The following AKT3 variants were observed in gnomAD, a reference collection of about 807,000 sequenced individuals.
AKT3 encodes the protein RAC-gamma serine/threonine-protein kinase.
Under a neutral mutation model 65.3 loss-of-function variants are expected in AKT3, and 15 were observed. The ratio of observed to expected loss-of-function variants is 0.23; its 90% CI spans 0.15 to 0.35. AKT3 has a LOEUF of 0.35. Ranked by LOEUF, AKT3 falls within the 10% of genes least tolerant of loss-of-function variation. The probability of loss-of-function intolerance (pLI) is 1.00; values close to 1 mark genes in which losing one functional copy is unlikely to be tolerated. For missense variants in AKT3, 243 were observed against 576.5 expected (o/e 0.42, Z 5.92); for synonymous variants, 206 against 183.8 (o/e 1.12, Z -0.98).
intron 12 of AKT3, among the ~76,000 whole-genome samples, chr1:243,513,571 G>A (rs998672952): frequency 5.9e-5 from 9 of 152,238 alleles, no homozygotes; most frequent in African/African-American, 1.2e-4. Flanking sequence ...TTTAAGAATC[G>A]TGGGATGAGC....
intron 2 of AKT3, among the ~76,000 whole-genome samples, chr1:243,765,672 G>A (rs1689776469): frequency 6.6e-6 from 1 of 152,138 alleles, no homozygotes; most frequent in Non-Finnish European, 1.5e-5. Context: ...CTTCAGTAAA[G>A]TCACAGAAAA....
intron 6 of AKT3, among the ~76,000 whole-genome samples, chr1:243,624,020 C>A (rs1476120901): frequency 6.6e-6 from 1 of 152,170 alleles, no homozygotes; most frequent in African/African-American, 2.4e-5. Context: ...TAAACAATAA[C>A]CATGAGTCTT....
rs781717663 is a variant in AKT3, at chr1:243,637,689, T to C, written c.483A>G (p.Lys161=). The stretch of plus-strand genomic sequence containing the variant: ...TTGCCTTCTCTCGAACCAAAATAAC[T>C]TTCCCAAAAGTGCCTTTACCTAGTA... ...LKLLGKGTFG[K]VILVREKASG... The change falls in exon 6 of 14, where the codon AAA becomes AAG. Residue 161 remains lysine, a synonymous_variant. Coordinates refer to ENST00000673466, the MANE Select transcript of AKT3 (RefSeq NM_005465.7). 4 of 1,602,154 alleles carry C rather than the reference T, an allele frequency of 2.5e-6. No homozygotes were observed. In the South Asian group the frequency reaches 3.3e-5, roughly 13 times the overall value.
At chr1:243,832,321 AAACTG>A (rs1161428815) in intron 2 of AKT3, among the ~76,000 whole-genome samples, 1 of 152,054 alleles carries the variant, frequency 6.6e-6, no homozygotes, top group Non-Finnish European at 1.5e-5. Flanking sequence ...AAATTTTTAT[AAACTG>A]TACTCCTACT....
chr1:243,655,963 CT>C (rs1387587292), intron 4 of AKT3, among the ~76,000 whole-genome samples: 1 of 152,142 alleles, frequency 6.6e-6, no homozygotes, highest in Non-Finnish European at 1.5e-5. Context: ...TCTCTGGTGT[CT>C]TTTTAAAAAA....
intron 12 of AKT3, among the ~76,000 whole-genome samples, chr1:243,513,530 C>A (rs1032178975): frequency 3.3e-5 from 5 of 152,194 alleles, no homozygotes; most frequent in Non-Finnish European, 7.3e-5. Flanking sequence ...TAAGGAAAAT[C>A]TTTAAATTAT....
intron 2 of AKT3, among the ~76,000 whole-genome samples, chr1:243,714,206 T>G (rs1686349878): frequency 6.6e-6 from 1 of 152,206 alleles, no homozygotes; most frequent in South Asian, 2.1e-4. Context: ...TCTACCATAT[T>G]CATAAAATGG....
intron 2 of AKT3, among the ~76,000 whole-genome samples, chr1:243,784,917 C>G (rs901615802): frequency 6.6e-6 from 1 of 151,976 alleles, no homozygotes; most frequent in Non-Finnish European, 1.5e-5. Flanking sequence ...TGCACCACCA[C>G]GCCTAGCTAT....
intron 10 of AKT3, among the ~76,000 whole-genome samples, chr1:243,553,701 T>C (rs1673225857): frequency 6.6e-6 from 1 of 152,140 alleles, no homozygotes; most frequent in African/African-American, 2.4e-5. Flanking sequence ...ATAAATTTAG[T>C]TAGAAATGAT....
intron 12 of AKT3, among the ~76,000 whole-genome samples, chr1:243,539,257 G>A (rs747345079): frequency 6.6e-6 from 1 of 151,998 alleles, no homozygotes; most frequent in African/African-American, 2.4e-5. Context: ...TGAAGACAAC[G>A]AGGAGGAAGA....
intron 8 of AKT3, among the ~76,000 whole-genome samples, chr1:243,611,984 T>C (rs758783415): frequency 3.6e-4 from 55 of 152,222 alleles, no homozygotes; most frequent in Admixed American, 3.4e-3. Flanking sequence ...TAATTTGTAA[T>C]ACACTAAGGG....
chr1:243,819,743 G>A (rs1207030345), intron 2 of AKT3, among the ~76,000 whole-genome samples: 1 of 152,172 alleles, frequency 6.6e-6, no homozygotes, highest in Non-Finnish European at 1.5e-5. Flanking sequence ...GAGCATTCCT[G>A]CTGGCATCAG....
chr1:243,668,895 A>C (rs2147934786), intron 3 of AKT3, among the ~76,000 whole-genome samples: 1 of 152,364 alleles, frequency 6.6e-6, no homozygotes, highest in South Asian at 2.1e-4. Flanking sequence ...GGTAGAATCA[A>C]TAGGTCATAA....
chr1:243,533,330 TTCTC>T (rs1671674358), intron 12 of AKT3, among the ~76,000 whole-genome samples: 1 of 152,210 alleles, frequency 6.6e-6, no homozygotes, highest in South Asian at 2.1e-4. Context: ...AAGGTTTCAC[TTCTC>T]TCTTAGTAAC....
In AKT3 at chr1:243,569,544, G is replaced by C. The variant is rs114577474; in HGVS notation, c.819+3382C>G. On this transcript the variant is annotated intron_variant, in intron 9 of 13. Transcript: ENST00000673466. ...TATTTGAAGTGAACATTAGGGAGCT[G>C]ATGAGGACGAGGAGGGCTATGATAA... Among the ~76,000 whole-genome samples the C allele has an allele frequency of 5.1e-3, 775 of 152,308 alleles. 9 individuals are homozygous for C. Among genetic ancestry groups the C allele is most frequent in the African/African-American group, 0.018 (736 of 41,560 alleles).
chr1:243,576,567 T>G (rs371756538), intron 8 of AKT3, among the ~76,000 whole-genome samples: 2 of 152,126 alleles, frequency 1.3e-5, no homozygotes, highest in African/African-American at 4.8e-5. Context: ...GCAAAAGTCA[T>G]AAGCATTCCT....
chr1:243,815,145 T>C (rs976663202), intron 2 of AKT3, among the ~76,000 whole-genome samples: 4 of 152,186 alleles, frequency 2.6e-5, no homozygotes, highest in Non-Finnish European at 5.9e-5. Flanking sequence ...AGGCTGGGAA[T>C]TTTCAAGCCC....
At chr1:243,601,082 T>C (rs1343648446) in intron 8 of AKT3, among the ~76,000 whole-genome samples, 2 of 152,168 alleles carry the variant, frequency 1.3e-5, no homozygotes, top group Admixed American at 6.5e-5. Context: ...TACTGAATGC[T>C]AACTATGCAT....
intron 2 of AKT3, among the ~76,000 whole-genome samples, chr1:243,771,469 G>C (rs1690182379): frequency 6.6e-6 from 1 of 152,114 alleles, no homozygotes; most frequent in Non-Finnish European, 1.5e-5. Flanking sequence ...CTATTCTAAA[G>C]TGTTGATAAC....
Sources: gnomAD v4.1 joint callset for allele counts (sites outside exome capture counted in the v4.1 genomes callset) on GRCh38, gnomAD v4.1.1 for gene constraint, MANE v1.5 for transcripts, NCBI Gene and HGNC (gene_info 2026-07-23, HGNC 2026-07-21) for gene names.